ZNF469: variants seen among roughly 807,000 people sequenced by gnomAD.
The protein encoded by ZNF469 is zinc finger protein 469.
A neutral mutation model predicts 1.0 loss-of-function variants in ZNF469; 1 was observed. The observed-to-expected ratio is 1.00, with a 90% CI of 0.35 to 4.73. The LOEUF (loss-of-function observed/expected upper bound fraction) is 4.73, where lower values mean the gene tolerates loss of function less well. Ranked by LOEUF, ZNF469 falls within the 30% of genes most tolerant of loss-of-function variation. The probability of loss-of-function intolerance (pLI) is 0.16; values close to 1 mark genes in which losing one functional copy is unlikely to be tolerated. For missense variants in ZNF469, 6,100 were observed against 5,356.3 expected (o/e 1.14, Z -4.33); for synonymous variants, 2,703 against 2,363.4 (o/e 1.14, Z -4.17).
At chr16:88,360,437 C>T in the ZNF469 span, among the ~76,000 whole-genome samples, 1 of 152,166 alleles carries the variant, frequency 6.6e-6, no homozygotes, top group African/African-American at 2.4e-5. Flanking sequence ...CATCATCTCT[C>T]CAGTCAGCGC....
the ZNF469 span, among the ~76,000 whole-genome samples, chr16:88,115,096 C>T: frequency 1.3e-5 from 2 of 152,140 alleles, no homozygotes; most frequent in Admixed American, 1.3e-4. Flanking sequence ...CTGCCCCTGC[C>T]CAGCCTGTCT....
chr16:88,249,948 C>G, the ZNF469 span, among the ~76,000 whole-genome samples: 3 of 152,248 alleles, frequency 2.0e-5, no homozygotes, highest in African/African-American at 7.2e-5. Flanking sequence ...TTCAGCATAG[C>G]TGGTTCCTTC....
In ZNF469 at chr16:88,438,727, G is replaced by C. The variant is rs1433165649; in HGVS notation, c.11257G>C (p.Ala3753Pro). Residue 3753 changes from alanine (A) to proline (P), a missense_variant, in exon 3 of 3, where the codon GCC becomes CCC. Coordinates refer to ENST00000565624, the MANE Select transcript of ZNF469 (RefSeq NM_001367624.2). ...AGGAGGTGGCAGCCAGCCCCAGCCA[G>C]CCAGCGGGCAGCTCCAGAGCGAGAC... ...KTGGGSQPQP[A>P]SGQLQSETAT... The C allele has an allele frequency of 1.3e-6, 2 of 1,550,032 alleles. No homozygotes were observed. The highest frequency in any genetic ancestry group is 2.4e-5 in the East Asian group (1 of 40,890).
the ZNF469 span, among the ~76,000 whole-genome samples, chr16:88,274,525 C>A: frequency 6.6e-6 from 1 of 152,218 alleles, no homozygotes. Context: ...ACAGATCAGC[C>A]CACCCTCTGC....
At chr16:88,139,892 TGAG>T in the ZNF469 span, among the ~76,000 whole-genome samples, 1 of 152,128 alleles carries the variant, frequency 6.6e-6, no homozygotes, top group Non-Finnish European at 1.5e-5. Flanking sequence ...ATCTGGTAAA[TGAG>T]GACATTTCCT....
the ZNF469 span, among the ~76,000 whole-genome samples, chr16:88,320,132 A>C: frequency 3.3e-5 from 5 of 152,190 alleles, no homozygotes; most frequent in Non-Finnish European, 7.3e-5. Context: ...AGCACGGGGG[A>C]AGCTGCTTGC....
the ZNF469 span, among the ~76,000 whole-genome samples, chr16:88,311,849 A>T: frequency 1.3e-5 from 2 of 152,010 alleles, no homozygotes; most frequent in Non-Finnish European, 2.9e-5. Flanking sequence ...CTTGTTCCTG[A>T]AGCTGCGTGC....
chr16:88,370,199 C>T, the ZNF469 span, among the ~76,000 whole-genome samples: 3 of 152,212 alleles, frequency 2.0e-5, no homozygotes, highest in Admixed American at 6.5e-5. Flanking sequence ...GCTTTTTACA[C>T]GCACCTATTC....
chr16:88,263,022 C>G, the ZNF469 span, among the ~76,000 whole-genome samples: 4 of 152,146 alleles, frequency 2.6e-5, no homozygotes, highest in Admixed American at 6.5e-5. Flanking sequence ...GCGTGGCCCC[C>G]GGGAGAAGCA....
chr16:88,220,191 A>AT, the ZNF469 span, among the ~76,000 whole-genome samples: 1 of 152,194 alleles, frequency 6.6e-6, no homozygotes, highest in Non-Finnish European at 1.5e-5. Flanking sequence ...AGGGCACTGC[A>AT]TGCTGGCCTC....
the ZNF469 span, among the ~76,000 whole-genome samples, chr16:88,276,878 G>A: frequency 1.6e-4 from 24 of 151,380 alleles, no homozygotes; most frequent in East Asian, 7.8e-4. Context: ...GCTGACGCTC[G>A]GTCAGTACCA....
At chr16:88,238,739 G>A in the ZNF469 span, among the ~76,000 whole-genome samples, 2 of 152,358 alleles carry the variant, frequency 1.3e-5, no homozygotes, top group South Asian at 4.1e-4. Context: ...CAGGGAAGGG[G>A]GCAGAGCCCG....
the ZNF469 span, among the ~76,000 whole-genome samples, chr16:88,219,497 T>C: frequency 6.9e-6 from 1 of 144,496 alleles, no homozygotes; most frequent in African/African-American, 2.6e-5. Context: ...TTGACAAACC[T>C]GAGAAAAACA....
chr16:88,438,917 A>G lies in ZNF469; in HGVS notation c.11447A>G (p.Lys3816Arg). 4 of 1,550,560 alleles carry G rather than the reference A, an allele frequency of 2.6e-6. No individual in the cohort carries two copies. Among genetic ancestry groups the G allele is most frequent in the Non-Finnish European group, 3.5e-6 (4 of 1,146,974 alleles). ...AAGGAGAAGGGAGAGAGCAGTACGA[A>G]GAGGAAAAAGGGCCAGGTCCCAGGG... Reference protein sequence around the residue: ...GPKEKGESSTKRKKGQVPGPA... With the variant: ...GPKEKGESSTRRKKGQVPGPA... Residue 3816 changes from lysine (K) to arginine (R), a missense_variant, in exon 3 of 3, where the codon AAG becomes AGG. By Grantham distance (26) the Lys-to-Arg change is conservative (BLOSUM62 2). Coordinates refer to ENST00000565624, the MANE Select transcript of ZNF469 (RefSeq NM_001367624.2).
Position 88,436,999 on chromosome 16 carries a change from T to A in ZNF469, c.9529T>A (p.Cys3177Ser). 1 of 1,520,632 alleles carries A rather than the reference T, an allele frequency of 6.6e-7. No homozygotes were observed. Among genetic ancestry groups the A allele is most frequent in the Non-Finnish European group, 8.8e-7 (1 of 1,136,216 alleles). 94.2% of individuals were successfully genotyped at this position (1,520,632 alleles called of 1,614,324 possible). A position where few individuals can be genotyped will look rare whatever the true frequency, so the allele number is the denominator to read the frequency against. ...GCAGAGCAAGGCCGGGCCCTGGGCG[T>A]GCGGCATGTGCCTGAAGGAGGTGGC... ...HAQSKAGPWA[C>S]GMCLKEVADV... The change falls in exon 3 of 3, where the codon TGC becomes AGC. Residue 3177 changes from cysteine to serine, a missense_variant. Coordinates refer to ENST00000565624, the MANE Select transcript of ZNF469 (RefSeq NM_001367624.2).
the ZNF469 span, among the ~76,000 whole-genome samples, chr16:88,151,303 C>T: frequency 1.3e-5 from 2 of 152,216 alleles, no homozygotes; most frequent in Admixed American, 1.3e-4. The surrounding 1 kb of genome is among the most constrained non-coding windows in gnomAD (Gnocchi z 5.4). Context: ...CGTGGTCAGC[C>T]AGGAGCGTCC....
the ZNF469 span, among the ~76,000 whole-genome samples, chr16:88,346,916 G>A: frequency 1.3e-5 from 2 of 152,196 alleles, no homozygotes; most frequent in Admixed American, 6.5e-5. Flanking sequence ...ATCGGCAGCC[G>A]GGAAGAACCA....
chr16:88,254,309 C>T, the ZNF469 span, among the ~76,000 whole-genome samples: 3 of 152,134 alleles, frequency 2.0e-5, no homozygotes, highest in African/African-American at 7.2e-5. Context: ...TACTAAAAGT[C>T]AGTTGTATAT....
the ZNF469 span, among the ~76,000 whole-genome samples, chr16:88,241,392 A>T: frequency 6.6e-6 from 1 of 150,976 alleles, no homozygotes; most frequent in Non-Finnish European, 1.5e-5. This position sits in a 1 kb window ranked among gnomAD's most constrained non-coding sequence, Gnocchi z 4.8. Flanking sequence ...TCACATGAAA[A>T]GTTTATTTGT....
Sources: gnomAD v4.1 joint callset for allele counts (sites outside exome capture counted in the v4.1 genomes callset) on GRCh38, gnomAD v4.1.1 for gene constraint, Gnocchi (gnomAD v3.1) non-coding constraint, MANE v1.5 for transcripts, NCBI Gene and HGNC (gene_info 2026-07-23, HGNC 2026-07-21) for gene names.